The following RBPJ variants were observed in gnomAD, a reference collection of about 807,000 sequenced individuals.
RBPJ encodes recombination signal binding protein for immunoglobulin kappa J region, also known as recombining binding protein suppressor of hairless.
A neutral mutation model predicts 67.8 loss-of-function variants in RBPJ; 9 were observed. That is an observed-to-expected ratio of 0.13 (90% CI 0.08 to 0.23). The LOEUF (loss-of-function observed/expected upper bound fraction) is 0.23, where lower values mean the gene tolerates loss of function less well. Among genes scored for constraint, RBPJ ranks in the 10% least tolerant of loss-of-function variants. RBPJ has a pLI of 1.00. For synonymous variants in RBPJ, 198 were observed against 203.3 expected (o/e 0.97, Z 0.22); for missense variants, 305 against 595.6 (o/e 0.51, Z 5.08).
At chr4:26,289,068 C>G (rs988480333) in intron 1 of RBPJ, among the ~76,000 whole-genome samples, 4 of 150,866 alleles carry the variant, frequency 2.7e-5, no homozygotes, top group Admixed American at 2.6e-4. Flanking sequence ...TCCAAAATTA[C>G]TTGAAGCAGT....
At chr4:26,107,553 T>C in the RBPJ span, among the ~76,000 whole-genome samples, 1 of 152,224 alleles carries the variant, frequency 6.6e-6, no homozygotes. Flanking sequence ...ACCGCAGCAC[T>C]GAATGTGAGT....
At chr4:26,332,884 G>C (rs1165612593) in intron 1 of RBPJ, among the ~76,000 whole-genome samples, 1 of 152,152 alleles carries the variant, frequency 6.6e-6, no homozygotes. Context: ...GCTGGTCTCT[G>C]GTGATCCTCC....
chr4:26,362,325 A>G (rs1046070254), intron 1 of RBPJ: 7 of 387,842 alleles, frequency 1.8e-5, no homozygotes, highest in African/African-American at 8.3e-5. Flanking sequence ...TAAAAATGAC[A>G]GTGTTACACA....
At chr4:26,282,822 A>G (rs1721320529) in intron 1 of RBPJ, among the ~76,000 whole-genome samples, 1 of 149,390 alleles carries the variant, frequency 6.7e-6, no homozygotes, top group South Asian at 2.1e-4. Flanking sequence ...CACCTGGCGG[A>G]GCTTCATGTA....
chr4:26,288,700 A>G (rs1721562078), intron 1 of RBPJ, among the ~76,000 whole-genome samples: 1 of 152,346 alleles, frequency 6.6e-6, no homozygotes, highest in South Asian at 2.1e-4. Flanking sequence ...GCCCTGCAAG[A>G]CAGGGAAGTT....
upstream of RBPJ, chr4:26,319,948 A>C: frequency 1.4e-6 from 2 of 1,469,686 alleles, no homozygotes; most frequent in Non-Finnish European, 1.9e-6. Flanking sequence ...CGGTGGGGCC[A>C]GGTTTGCCCG....
chr4:26,403,851 TG>T (rs1410414301), intron 2 of RBPJ, among the ~76,000 whole-genome samples: 1 of 152,228 alleles, frequency 6.6e-6, no homozygotes, highest in Non-Finnish European at 1.5e-5. Context: ...AACATTCCTG[TG>T]CATGTGTCTC....
At chr4:26,226,153 A>G (rs1362489303) in intron 1 of RBPJ, among the ~76,000 whole-genome samples, 1 of 151,596 alleles carries the variant, frequency 6.6e-6, no homozygotes, top group Non-Finnish European at 1.5e-5. Flanking sequence ...TGTCAAAAAA[A>G]AAAAAAAAAA....
chr4:26,162,915 C>T (rs1294445693), upstream of RBPJ, among the ~76,000 whole-genome samples: 2 of 151,700 alleles, frequency 1.3e-5, no homozygotes, highest in African/African-American at 2.4e-5. Context: ...TGGTTGTCAC[C>T]AGGGCTTATG....
chr4:26,356,974 A>C (rs1477319176), intron 1 of RBPJ, among the ~76,000 whole-genome samples: 1 of 152,222 alleles, frequency 6.6e-6, no homozygotes, highest in Non-Finnish European at 1.5e-5. Context: ...GTGTGCATAC[A>C]AGCATGGAGG....
At chr4:26,210,686 C>CTTTCTTTCCTTTCTTTCTTT (rs56289492) in intron 1 of RBPJ, among the ~76,000 whole-genome samples, 1 of 65,396 alleles carries the variant, frequency 1.5e-5, no homozygotes, top group African/African-American at 5.3e-5. Flanking sequence ...TTCTTTCTTT[C>CTTTCTTTCCTTTCTTTCTTT]CTTTCTTTCT....
At chr4:26,366,588 T>C (rs1400472912) in intron 1 of RBPJ, among the ~76,000 whole-genome samples, 2 of 151,814 alleles carry the variant, frequency 1.3e-5, no homozygotes, top group Admixed American at 6.6e-5. Flanking sequence ...TCATGCCTAA[T>C]TTTTTGTATT....
intron 1 of RBPJ, among the ~76,000 whole-genome samples, chr4:26,258,906 C>T (rs113665654): frequency 0.093 from 14,165 of 151,912 alleles, 2,082 homozygotes; most frequent in African/African-American, 0.31. Flanking sequence ...TGGGTTCAAG[C>T]GATTCTCCTG....
chr4:26,125,911 A>G, the RBPJ span, among the ~76,000 whole-genome samples: 1 of 152,200 alleles, frequency 6.6e-6, no homozygotes, highest in Non-Finnish European at 1.5e-5. Flanking sequence ...GAGAGGCAGC[A>G]TAACAGCTCC....
intron 1 of RBPJ, among the ~76,000 whole-genome samples, chr4:26,256,814 A>G (rs747290856): frequency 6.6e-6 from 1 of 152,250 alleles, no homozygotes; most frequent in Non-Finnish European, 1.5e-5. Flanking sequence ...AAGAACATTG[A>G]GAACTTCATT....
chr4:26,194,294 C>A (rs1717674096), intron 1 of RBPJ, among the ~76,000 whole-genome samples: 2 of 152,116 alleles, frequency 1.3e-5, no homozygotes, highest in East Asian at 3.9e-4. Context: ...CATTTGAGCC[C>A]CGGGTAAGAA....
chr4:26,356,463 C>T (rs1170181146), intron 1 of RBPJ, among the ~76,000 whole-genome samples: 2 of 152,214 alleles, frequency 1.3e-5, no homozygotes, highest in African/African-American at 2.4e-5. Context: ...GCACAAATTT[C>T]GTTTCCTTCC....
In RBPJ at chr4:26,396,925, T is replaced by A. The variant is rs756296265; in HGVS notation, c.60-9250T>A. ...ACAGCAGCCTCAATGTTTTATTGTG[T>A]TACAAGGGCACCAGGACCTTGTTGA... On this transcript the variant is annotated intron_variant, in intron 2 of 10. Transcript: ENST00000355476. 1.0e-3 allele frequency among the ~76,000 whole-genome samples: 157 copies of A among 152,232 alleles called. 2 individuals carry two copies. Among genetic ancestry groups the A allele is most frequent in the Non-Finnish European group, 2.9e-4 (20 of 68,042 alleles).
intron 1 of RBPJ, among the ~76,000 whole-genome samples, chr4:26,170,310 G>T (rs1248691093): frequency 2.0e-5 from 3 of 152,158 alleles, no homozygotes; most frequent in African/African-American, 7.2e-5. Flanking sequence ...GGAGGCCGAG[G>T]CGGGTGGATT....
Sources: allele counts gnomAD v4.1 joint callset (sites outside exome capture counted in the v4.1 genomes callset), GRCh38; gene constraint gnomAD v4.1.1; transcripts MANE v1.5; gene names NCBI Gene and HGNC (gene_info 2026-07-23, HGNC 2026-07-21).